The following CFAP65 variants were observed in gnomAD, a reference collection of about 807,000 sequenced individuals.
CFAP65 encodes the protein cilia- and flagella-associated protein 65.
In CFAP65, 155 loss-of-function variants were observed where a neutral mutation model predicts 208.0. That is an observed-to-expected ratio of 0.75 (90% CI 0.65 to 0.85). CFAP65 has a LOEUF of 0.85. Among genes scored for constraint, CFAP65 ranks in the 40% least tolerant of loss-of-function variants. The pLI is 0.00. For synonymous variants in CFAP65, 970 were observed against 986.3 expected (o/e 0.98, Z 0.31); for missense variants, 2,294 against 2,451.3 (o/e 0.94, Z 1.36).
At chr2:219,024,333 G>T in intron 14 of CFAP65, 73 bp from the exon 15 acceptor site, 1 of 1,531,328 alleles carries the variant, frequency 6.5e-7, no homozygotes, top group South Asian at 1.3e-5. Flanking sequence ...AGGGCCCTAT[G>T]GGGGCTTGGG....
At chr2:219,035,158 TG>T in intron 5 of CFAP65, 1 of 609,946 alleles carries the variant, frequency 1.6e-6, no homozygotes, top group Non-Finnish European at 2.7e-6. Context: ...TCATAGTACC[TG>T]GTATTCCCCA....
At chr2:219,040,326 A>ATCAGT (rs1948593882) in intron 2 of CFAP65, among the ~76,000 whole-genome samples, 193 bp downstream of exon 2, 1 of 152,080 alleles carries the variant, frequency 6.6e-6, no homozygotes, top group Admixed American at 6.6e-5. Flanking sequence ...ACACTCTCTT[A>ATCAGT]TCCCTCCCCC....
In CFAP65 at chr2:219,003,386, C is replaced by T. The variant is rs1338884165; in HGVS notation, c.5556-114G>A. On this transcript the variant is annotated intron_variant, in intron 33 of 34. Transcript: ENST00000341552. This position sits in a 1 kb window ranked among gnomAD's most constrained non-coding sequence, Gnocchi z 4.4. ...GCTCTACGGAGATTCCCATTCGACTCCCCTCATCCACTACACTATGGGGCA... is the reference window on the plus strand; with the variant it reads ...GCTCTACGGAGATTCCCATTCGACTTCCCTCATCCACTACACTATGGGGCA... 6 of 1,296,822 alleles carry T rather than the reference C, an allele frequency of 4.6e-6. No homozygotes were observed. The highest frequency in any genetic ancestry group is 6.2e-6 in the Non-Finnish European group (6 of 974,250). The allele number at this position is 1,296,822 out of a possible 1,614,324, so 80.3% of individuals were successfully genotyped here.
rs550188895 is a variant in CFAP65, at chr2:219,022,390, C to T, written c.2821-61G>A. The T allele has an allele frequency of 8.4e-6, 13 of 1,543,662 alleles. No homozygotes were observed. The Admixed American group carries it at 9.8e-5, about 12-fold the overall frequency. ...GGAAGCCCCTCCACAGGTACCTGGC[C>T]ATCCGAGGCCCCATGGCAGGGCGTC... On this transcript the variant is annotated intron_variant, in intron 16 of 34. Coordinates refer to ENST00000341552, the MANE Select transcript of CFAP65 (RefSeq NM_194302.4).
chr2:219,041,521 G>A (rs1338196902), upstream of CFAP65: 1 of 1,550,558 alleles, frequency 6.4e-7, no homozygotes, highest in Non-Finnish European at 8.7e-7. Flanking sequence ...ATAGATACAG[G>A]ACGCGCAGGA....
chr2:219,027,417 C>T, intron 13 of CFAP65: 1 of 1,498,950 alleles, frequency 6.7e-7, no homozygotes, highest in South Asian at 1.3e-5. Flanking sequence ...CAGCTGAGTT[C>T]TCCCTTGGAG....
intron 29 of CFAP65, among the ~76,000 whole-genome samples, chr2:219,007,268 C>T (rs1324658721): frequency 6.6e-6 from 1 of 151,386 alleles, no homozygotes; most frequent in African/African-American, 2.4e-5. Context: ...CAAACTCCTG[C>T]ACTCAAGTGA....
rs1478153443 is a variant in CFAP65 at position 219,019,694 on chromosome 2, C to T, written c.3285G>A (p.Glu1095=). 6.2e-7 allele frequency: 1 copy of T among 1,613,402 alleles called. No homozygotes were observed. The change falls in exon 20 of 35, where the codon GAG becomes GAA. Residue 1095 remains glutamate (E), a synonymous_variant. Coordinates refer to ENST00000341552, the MANE Select transcript of CFAP65 (RefSeq NM_194302.4). The part of the protein sequence containing the change: ...HRDNKAGEKQ[E]LCCVSLVAVY... ...CGGCCACCAGGGAGACGCAGCACAG[C>T]TCCTGCTTCTCCCCAGCCTTGTTAT...
intron 9 of CFAP65, 141 bp downstream of exon 9, chr2:219,030,548 C>A: frequency 8.6e-7 from 1 of 1,162,346 alleles, no homozygotes; most frequent in East Asian, 2.4e-5. Flanking sequence ...AAGGACACAC[C>A]TGTTGACAGC....
rs747643054 is a variant in CFAP65 at position 219,030,118 on chromosome 2, G to A, written c.1252C>T (p.Pro418Ser). The A allele has an allele frequency of 1.2e-6, 2 of 1,614,140 alleles. No homozygotes were observed. The highest frequency in any genetic ancestry group is 1.7e-6 in the Non-Finnish European group (2 of 1,180,004). ...SCPTAHGIVL[P>S]GEKKCVSVFF... is the part of the protein sequence containing the mutation. Reference sequence around the variant, plus strand: ...ACCGACACACATTTCTTCTCTCCCGGAAGCACGATGCCATGGGCCGTGGGG... The same window carrying A: ...ACCGACACACATTTCTTCTCTCCCGAAAGCACGATGCCATGGGCCGTGGGG... The change falls in exon 10 of 35, where the codon CCG (proline) becomes TCG (serine). Residue 418 changes from proline (P) to serine (S), a missense_variant. By Grantham distance (74) the Pro-to-Ser change is moderately conservative. Transcript: ENST00000341552.
At chr2:219,025,883 A>T in intron 14 of CFAP65, 139 bp downstream of exon 14, 1 of 1,055,314 alleles carries the variant, frequency 9.5e-7, no homozygotes, top group Non-Finnish European at 1.4e-6. Flanking sequence ...CAGAATTGGC[A>T]CAGCGGACGT....
At chr2:219,039,199 A>G (rs1948541127) in intron 2 of CFAP65, 149 bp from the exon 3 acceptor site, 2 of 592,316 alleles carry the variant, frequency 3.4e-6, no homozygotes. Flanking sequence ...CTATGTATGC[A>G]TACATGTCTG....
Position 219,005,992 on chromosome 2 carries a change from A to G in CFAP65, c.4922+29T>C, listed in dbSNP as rs1362854679. On this transcript the variant is annotated intron_variant, in intron 31 of 34. Transcript: ENST00000341552. ...GGAAGAGGGGACAGAGAGAAGAGGA[A>G]GGTGACCCCTGCCTTCCCAAGAGCT... The G allele has an allele frequency of 3.1e-6, 5 of 1,605,348 alleles. No homozygotes were observed. In the East Asian group the frequency reaches 8.9e-5, roughly 29 times the overall value.
At position 219,035,541 on chromosome 2, in the gene CFAP65, C is replaced by T. The variant is rs771832922; in HGVS notation, c.481G>A (p.Glu161Lys). ...LHWKGWELGK[E>K]TTRNLVLKNR... ...TTCAGAACCAGATTCCTTGTGGTCT[C>T]CTTTCCTAGCTCCCAGCCTTTCCAA... Residue 161 changes from glutamate (E) to lysine (K), a missense_variant, in exon 5 of 35, where the codon GAG becomes AAG. Transcript: ENST00000341552. 6.2e-7 allele frequency: 1 copy of T among 1,614,116 alleles called. No homozygotes were observed. The highest frequency in any genetic ancestry group is 1.3e-5 in the African/African-American group (1 of 75,022).
Position 219,003,200 on chromosome 2 carries a change from G to T in CFAP65, c.5628C>A (p.Ser1876Arg). 1 of 1,548,540 alleles carries T rather than the reference G, an allele frequency of 6.5e-7. No homozygotes were observed. The highest frequency in any genetic ancestry group is 8.7e-7 in the Non-Finnish European group (1 of 1,145,882). The change falls in exon 34 of 35, where the codon AGC becomes AGA. Residue 1876 changes from serine (S) to arginine (R), a missense_variant. Transcript: ENST00000341552. This position sits in a 1 kb window ranked among gnomAD's most constrained non-coding sequence, Gnocchi z 4.4. Reference sequence around the variant, plus strand: ...GCGAGGTGAGTACCACCTCCCCGCGGCTCGCCTCCACCAGGATGTTCTGGA... The same window carrying T: ...GCGAGGTGAGTACCACCTCCCCGCGTCTCGCCTCCACCAGGATGTTCTGGA... ...NMIQNILVEA[S>R]RGEVVLTSRP...
At chr2:219,007,351 T>G (rs1946090914) in intron 29 of CFAP65, among the ~76,000 whole-genome samples, 1 of 151,956 alleles carries the variant, frequency 6.6e-6, no homozygotes, top group Non-Finnish European at 1.5e-5. Context: ...TTTTTAAAAT[T>G]TTATTTCTGT....
chr2:219,010,630 A>G lies in CFAP65; in HGVS notation c.4224T>C (p.His1408=). 1.9e-6 allele frequency: 3 copies of G among 1,611,908 alleles called. No homozygotes were observed. The highest frequency in any genetic ancestry group is 2.7e-5 in the African/African-American group (2 of 74,968). The change falls in exon 26 of 35, where the codon CAT becomes CAC. Residue 1408 remains histidine (H), a synonymous_variant. Transcript: ENST00000341552. The part of the protein sequence containing the change: ...IHFQGVGYNP[H]MMGDTAPFHN... Reference sequence around the variant, plus strand: ...GGAATGGGGCTGTGTCCCCCATCATATGGGGGTTGTAGCCCACTCCCTGGA... The same window carrying G: ...GGAATGGGGCTGTGTCCCCCATCATGTGGGGGTTGTAGCCCACTCCCTGGA...
At position 219,032,382 on chromosome 2, in the gene CFAP65, G is replaced by A; in HGVS notation, c.645+88C>T. 3 of 1,163,724 alleles carry A rather than the reference G, an allele frequency of 2.6e-6. No individual in the cohort carries two copies. The highest frequency in any genetic ancestry group is 1.5e-5 in the South Asian group (1 of 66,512). The allele number at this position is 1,163,724 out of a possible 1,614,324, so 72.1% of individuals were successfully genotyped here. ...GCGGGCAGCATGTGTGTGTGCCGGGGCGCTCCTGGTTGCTCTGTCCTGTTT... is the reference window on the plus strand; with the variant it reads ...GCGGGCAGCATGTGTGTGTGCCGGGACGCTCCTGGTTGCTCTGTCCTGTTT... On this transcript the variant is annotated intron_variant, in intron 6 of 34. Coordinates refer to ENST00000341552, the MANE Select transcript of CFAP65 (RefSeq NM_194302.4). This position sits in a 1 kb window ranked among gnomAD's most constrained non-coding sequence, Gnocchi z 5.5.
chr2:219,029,597 G>A lies in CFAP65; in HGVS notation c.1456C>T (p.Pro486Ser). 6.2e-7 allele frequency: 1 copy of A among 1,614,168 alleles called. No individual in the cohort carries two copies. Among genetic ancestry groups the A allele is most frequent in the South Asian group, 1.1e-5 (1 of 91,076 alleles). The change falls in exon 11 of 35, where the codon CCC (proline) becomes TCC (serine). Residue 486 changes from proline (P) to serine (S), a missense_variant. This residue lies in a region of CFAP65 where 867 missense variants were observed against 1,012.6 expected (regional missense o/e 0.86). Coordinates refer to ENST00000341552, the MANE Select transcript of CFAP65 (RefSeq NM_194302.4). The stretch of plus-strand genomic sequence containing the variant: ...TCCGATTGGTTCTCAATCCACAGGG[G>A]CTGCTCGGAGCGCTCCCCAAGGTTG... ...WVNLGERSEQ[P>S]LWIENQSDCT...
Sources: gnomAD v4.1 joint callset for allele counts (sites outside exome capture counted in the v4.1 genomes callset) on GRCh38, gnomAD v4.1.1 for gene constraint, gnomAD v4.1.1 regional missense constraint, Gnocchi (gnomAD v3.1) non-coding constraint, MANE v1.5 for transcripts, NCBI Gene and HGNC (gene_info 2026-07-23, HGNC 2026-07-21) for gene names.